SAXO1: variants seen among roughly 807,000 people sequenced by gnomAD.
SAXO1 encodes the protein stabilizer of axonemal microtubules 1.
A neutral mutation model predicts 17.5 loss-of-function variants in SAXO1; 21 were observed. That is an observed-to-expected ratio of 1.20 (90% CI 0.85 to 1.72). SAXO1 has a LOEUF of 1.72. Ranked by LOEUF, SAXO1 falls within the 40% of genes most tolerant of loss-of-function variation. The pLI is 0.00. For missense variants in SAXO1, 843 were observed against 596.0 expected (o/e 1.41, Z -4.32); for synonymous variants, 274 against 216.5 (o/e 1.27, Z -2.33).
At chr9:18,934,079 T>C (rs899395805) in intron 3 of SAXO1, among the ~76,000 whole-genome samples, 10 of 152,052 alleles carry the variant, frequency 6.6e-5, no homozygotes, top group African/African-American at 1.9e-4. Flanking sequence ...ATAATGTCAT[T>C]TTTCTATATG....
intron 1 of SAXO1, among the ~76,000 whole-genome samples, chr9:18,988,543 GTTTA>G (rs1833684807): frequency 6.6e-6 from 1 of 152,158 alleles, no homozygotes; most frequent in African/African-American, 2.4e-5. Flanking sequence ...GCATTCTACA[GTTTA>G]TTAAGTTCTT....
intron 1 of SAXO1, among the ~76,000 whole-genome samples, chr9:18,959,423 C>T (rs1832390821): frequency 6.6e-6 from 1 of 152,152 alleles, no homozygotes; most frequent in African/African-American, 2.4e-5. Flanking sequence ...AGAGCCAGGT[C>T]TGCTGGCCTC....
rs376861425 is a variant in SAXO1, at chr9:19,020,498, C to T, written c.38+12373G>A. ...TCCCCAGCACCTGGGACTACAGGCACGCACCACCATAACCAGCTAATTTTT... is the reference window on the plus strand; with the variant it reads ...TCCCCAGCACCTGGGACTACAGGCATGCACCACCATAACCAGCTAATTTTT... On this transcript the variant is annotated intron_variant, in intron 1 of 3. Transcript: ENST00000380534. Among the ~76,000 whole-genome samples, 9 of 152,158 alleles carry T rather than the reference C, an allele frequency of 5.9e-5. No homozygotes were observed. The South Asian group carries it at 1.5e-3, about 25-fold the overall frequency.
At chr9:19,006,834 T>G (rs1834499977) in intron 1 of SAXO1, among the ~76,000 whole-genome samples, 1 of 151,082 alleles carries the variant, frequency 6.6e-6, no homozygotes, top group Admixed American at 6.6e-5. Flanking sequence ...TCACTTGAGG[T>G]CAAGCGTTCA....
At chr9:19,033,234 G>A (rs915614858), upstream of SAXO1, 4 of 305,722 alleles carry the variant, frequency 1.3e-5, no homozygotes, top group Non-Finnish European at 2.4e-5. Flanking sequence ...TGCGGGGTCC[G>A]TGCCCAGGTA....
chr9:18,930,551 G>C (rs1229493566), intron 3 of SAXO1, among the ~76,000 whole-genome samples: 1 of 151,706 alleles, frequency 6.6e-6, no homozygotes, highest in African/African-American at 2.4e-5. Flanking sequence ...CCAGGCTGGA[G>C]TGCAATGGCA....
intron 1 of SAXO1, among the ~76,000 whole-genome samples, chr9:19,002,940 A>T (rs1004066270): frequency 3.3e-5 from 5 of 152,230 alleles, no homozygotes; most frequent in Non-Finnish European, 7.3e-5. Flanking sequence ...TTAAGCAAAG[A>T]CGAAGTCAAA....
rs555950995 is a variant in SAXO1 at position 18,964,133 on chromosome 9, G to C, written c.39-13196C>G. Among the ~76,000 whole-genome samples, 8 of 152,272 alleles carry C rather than the reference G, an allele frequency of 5.3e-5. No individual in the cohort carries two copies. The East Asian group carries it at 1.5e-3, about 29-fold the overall frequency. On this transcript the variant is annotated intron_variant, in intron 1 of 3. Transcript: ENST00000380534. ...CTAGGAATGAAGCTGACTTGATTGT[G>C]GTGGATAAGCTTTTTGATGTGCTGC...
intron 2 of SAXO1, among the ~76,000 whole-genome samples, chr9:18,949,679 C>T (rs1254438744): frequency 1.2e-5 from 1 of 83,866 alleles, no homozygotes; most frequent in East Asian, 2.8e-4. Flanking sequence ...CTCCAACTCA[C>T]AGTCTCAGAT....
intron 1 of SAXO1, among the ~76,000 whole-genome samples, chr9:18,981,881 C>T (rs550899589): frequency 3.3e-5 from 5 of 152,360 alleles, no homozygotes; most frequent in African/African-American, 1.2e-4. Context: ...AACTCCAAAA[C>T]CCTTTTCCTC....
At chr9:19,024,431 G>A (rs943492797) in intron 1 of SAXO1, among the ~76,000 whole-genome samples, 7 of 152,000 alleles carry the variant, frequency 4.6e-5, no homozygotes, top group African/African-American at 7.2e-5. Flanking sequence ...ATCACACACC[G>A]GGGACAGTTG....
chr9:18,971,602 T>C (rs1832944971), intron 1 of SAXO1, among the ~76,000 whole-genome samples: 1 of 152,108 alleles, frequency 6.6e-6, no homozygotes, highest in Admixed American at 6.6e-5. Flanking sequence ...CACCCCCTAC[T>C]TTCCAAAACA....
At chr9:18,992,184 T>C (rs2131844414) in intron 1 of SAXO1, among the ~76,000 whole-genome samples, 1 of 152,286 alleles carries the variant, frequency 6.6e-6, no homozygotes, top group Admixed American at 6.5e-5. Context: ...TAACAAAGTC[T>C]CAGAAACTGA....
chr9:18,935,080 A>G (rs1010007182), intron 3 of SAXO1, among the ~76,000 whole-genome samples: 1 of 151,920 alleles, frequency 6.6e-6, no homozygotes, highest in Non-Finnish European at 1.5e-5. Flanking sequence ...GGCGTCCACC[A>G]CCACACCCAG....
chr9:19,021,710 G>T (rs368431475), intron 1 of SAXO1, among the ~76,000 whole-genome samples: 11 of 152,304 alleles, frequency 7.2e-5, no homozygotes, highest in African/African-American at 2.6e-4. Context: ...GGGTCAGGTG[G>T]GTACTTGGAG....
At position 18,988,672 on chromosome 9, in the gene SAXO1, T is replaced by C. The variant is rs1033028085; in HGVS notation, c.39-37735A>G. ...ATGCACTATATGCATGCCCATTGTATGTAACAACGAGTATAATGCTATTAT... is the reference window on the plus strand; with the variant it reads ...ATGCACTATATGCATGCCCATTGTACGTAACAACGAGTATAATGCTATTAT... On this transcript the variant is annotated intron_variant, in intron 1 of 3. Coordinates refer to ENST00000380534, the MANE Select transcript of SAXO1 (RefSeq NM_153707.4). Among the ~76,000 whole-genome samples the C allele has an allele frequency of 2.0e-4, 30 of 152,354 alleles. No individual in the cohort carries two copies. In the South Asian group the frequency reaches 2.5e-3, roughly 13 times the overall value.
chr9:18,943,101 TTA>T (rs1234384859), intron 2 of SAXO1, among the ~76,000 whole-genome samples: 5 of 152,180 alleles, frequency 3.3e-5, no homozygotes, highest in Admixed American at 3.3e-4. Context: ...CTTGCGTGAA[TTA>T]TACACATGAT....
intron 1 of SAXO1, among the ~76,000 whole-genome samples, chr9:19,043,489 AGGCATGGT>A (rs1836128908): frequency 6.6e-6 from 1 of 152,112 alleles, no homozygotes; most frequent in African/African-American, 2.4e-5. Context: ...AGTAGGGGCC[AGGCATGGT>A]GGCTCACACC....
At chr9:19,005,617 C>G (rs1307334762) in intron 1 of SAXO1, among the ~76,000 whole-genome samples, 1 of 152,152 alleles carries the variant, frequency 6.6e-6, no homozygotes, top group African/African-American at 2.4e-5. Flanking sequence ...ACACCACATA[C>G]AAAAACTAAC....
Sources: allele counts gnomAD v4.1 joint callset (sites outside exome capture counted in the v4.1 genomes callset), GRCh38; gene constraint gnomAD v4.1.1; transcripts MANE v1.5; gene names NCBI Gene and HGNC (gene_info 2026-07-23, HGNC 2026-07-21).